Variants in NAALADL2 observed in about 807,000 individuals in gnomAD.
The protein encoded by NAALADL2 is N-acetylated alpha-linked acidic dipeptidase like 2.
NAALADL2 carries 76 observed loss-of-function variants against 87.2 expected under a neutral mutation model. That is an observed-to-expected ratio of 0.87 (90% CI 0.72 to 1.05). NAALADL2 has a LOEUF of 1.05. Ranked by LOEUF, NAALADL2 falls within the 50% of genes least tolerant of loss-of-function variation. The pLI, the probability that NAALADL2 is intolerant of heterozygous loss-of-function variation, is 0.00. For synonymous variants in NAALADL2, 354 were observed against 331.0 expected, an observed-to-expected ratio of 1.07 and a Z score of -0.75; for missense variants, 1,089 against 945.8, an observed-to-expected ratio of 1.15 and a Z score of -1.99.
intron 11 of NAALADL2, among the ~76,000 whole-genome samples, chr3:175,725,660 G>T (rs1032314589): frequency 7.2e-5 from 11 of 152,034 alleles, no homozygotes; most frequent in Admixed American, 2.6e-4. Context: ...GCTAATTAGG[G>T]TAACAATTAA....
intron 5 of NAALADL2, among the ~76,000 whole-genome samples, chr3:175,411,499 T>G (rs1713510728): frequency 6.6e-6 from 1 of 151,774 alleles, no homozygotes; most frequent in Non-Finnish European, 1.5e-5. Context: ...AAAAATGAAG[T>G]AAAATGTAAT....
At position 174,882,584 on chromosome 3, in the gene NAALADL2, CAT is replaced by C. The variant is rs1314404306; in HGVS notation, c.43+23137_43+23138del. 9.5e-3 allele frequency among the ~76,000 whole-genome samples: 1,293 copies of C among 136,700 alleles called. 26 individuals are homozygous for C. Among genetic ancestry groups the C allele is most frequent in the African/African-American group, 0.04 (1,187 of 29,480 alleles). 89.7% of individuals were successfully genotyped at this position (136,700 alleles called of 152,430 possible). A position where few individuals can be genotyped will look rare whatever the true frequency, so the allele number is the denominator to read the frequency against. On this transcript the variant is annotated intron_variant, in intron 1 of 13. Transcript: ENST00000454872. ...GTATATATACATATGTGCTTATACA[CAT>C]ATGTGTATATACACATACATATATG...
intron 1 of NAALADL2, among the ~76,000 whole-genome samples, chr3:174,462,352 A>G (rs1382632774): frequency 4.6e-5 from 7 of 152,184 alleles, no homozygotes; most frequent in Admixed American, 1.3e-4. Flanking sequence ...ATCAGAATAC[A>G]TAACCATTAG....
chr3:174,604,971 T>C (rs183567977), intron 2 of NAALADL2, among the ~76,000 whole-genome samples: 162 of 152,084 alleles, frequency 1.1e-3, no homozygotes, highest in African/African-American at 3.8e-3. Flanking sequence ...CAGGCTGATC[T>C]TGAACTCCTG....
intron 1 of NAALADL2, among the ~76,000 whole-genome samples, chr3:175,020,865 G>A (rs1368356156): frequency 6.6e-6 from 1 of 151,974 alleles, no homozygotes; most frequent in African/African-American, 2.4e-5. Context: ...CTCTGCCGCT[G>A]GACTTCCTGC....
At chr3:175,185,007 A>G (rs1737121593) in intron 2 of NAALADL2, among the ~76,000 whole-genome samples, 4 of 152,176 alleles carry the variant, frequency 2.6e-5, no homozygotes, top group Admixed American at 6.5e-5. Context: ...TTTGCCTGTG[A>G]GCATTGTACA....
At chr3:175,413,737 C>T (rs1193532382) in intron 5 of NAALADL2, among the ~76,000 whole-genome samples, 2 of 151,892 alleles carry the variant, frequency 1.3e-5, no homozygotes, top group East Asian at 3.9e-4. Flanking sequence ...AATTAAATTG[C>T]TCTGATCACA....
Position 175,697,783 on chromosome 3 carries a change from A to G in NAALADL2, c.1897-39523A>G, listed in dbSNP as rs184798230. 4.9e-5 allele frequency among the ~76,000 whole-genome samples: 7 copies of G among 144,080 alleles called. No homozygotes were observed. The East Asian group carries it at 6.0e-4, about 12-fold the overall frequency. The allele number at this position is 144,080 out of a possible 152,430, so 94.5% of individuals were successfully genotyped here. ...TGTATGTATACATATATACATATAT[A>G]TGTGTGTGTATATATGTATATATAT... On this transcript the variant is annotated intron_variant, in intron 11 of 13. Transcript: ENST00000454872.
exon 1 of NAALADL2, chr3:174,441,011 A>AGCCCGC (rs927274699): frequency 6.6e-6 from 1 of 152,034 alleles, no homozygotes; most frequent in Non-Finnish European, 1.5e-5. Flanking sequence ...ACCGCAGACG[A>AGCCCGC]GCCCGCGCCC....
intron 13 of NAALADL2, among the ~76,000 whole-genome samples, chr3:175,798,310 T>C (rs1395276526): frequency 6.6e-6 from 1 of 151,960 alleles, no homozygotes; most frequent in Non-Finnish European, 1.5e-5. Context: ...TTTTAAATGA[T>C]GATGAAAAAA....
chr3:175,274,904 A>C (rs1401626322), intron 4 of NAALADL2, among the ~76,000 whole-genome samples: 1 of 152,184 alleles, frequency 6.6e-6, no homozygotes, highest in Non-Finnish European at 1.5e-5. Flanking sequence ...ATTTCACAAA[A>C]AGGCGTTATT....
intron 2 of NAALADL2, among the ~76,000 whole-genome samples, chr3:174,626,782 G>C (rs1489046156): frequency 1.3e-5 from 2 of 151,962 alleles, no homozygotes; most frequent in Non-Finnish European, 2.9e-5. Context: ...AGCAAGAAAT[G>C]AAAGTGCGCT....
chr3:174,926,855 A>G (rs1233730661), intron 1 of NAALADL2, among the ~76,000 whole-genome samples: 1 of 152,154 alleles, frequency 6.6e-6, no homozygotes, highest in Non-Finnish European at 1.5e-5. Flanking sequence ...ACACATAACA[A>G]TATGAACCTT....
chr3:174,649,332 A>G (rs1046798856), intron 2 of NAALADL2, among the ~76,000 whole-genome samples: 3 of 152,132 alleles, frequency 2.0e-5, no homozygotes, highest in Non-Finnish European at 4.4e-5. Flanking sequence ...AATTCCATAT[A>G]TAGTCTTAGA....
At chr3:175,693,707 G>A (rs115367833) in intron 11 of NAALADL2, among the ~76,000 whole-genome samples, 2,494 of 152,128 alleles carry the variant, frequency 0.016, 79 homozygotes, top group African/African-American at 0.057. Context: ...GGGTTGGTTG[G>A]TTTGTTCGTT....
intron 1 of NAALADL2, among the ~76,000 whole-genome samples, chr3:175,005,359 C>T (rs968472544): frequency 1.3e-5 from 2 of 152,234 alleles, no homozygotes; most frequent in Admixed American, 1.3e-4. Flanking sequence ...CTGTATTTCA[C>T]CCCTATGCTG....
chr3:174,622,030 G>T (rs2108669109), intron 2 of NAALADL2, among the ~76,000 whole-genome samples: 1 of 152,246 alleles, frequency 6.6e-6, no homozygotes, highest in Middle Eastern at 3.4e-3. Flanking sequence ...GAAGCAGGAG[G>T]AAAGGGAGAA....
chr3:174,878,012 C>T (rs566510110), intron 1 of NAALADL2, among the ~76,000 whole-genome samples: 1 of 152,040 alleles, frequency 6.6e-6, no homozygotes, highest in African/African-American at 2.4e-5. Context: ...TATTAGCTTT[C>T]TATGTATATA....
chr3:175,323,111 G>A (rs1760143473), intron 4 of NAALADL2, among the ~76,000 whole-genome samples: 1 of 146,570 alleles, frequency 6.8e-6, no homozygotes, highest in African/African-American at 2.5e-5. Flanking sequence ...ATGATAGACT[G>A]GATTAAGAAA....
Sources: allele counts gnomAD v4.1 joint callset (sites outside exome capture counted in the v4.1 genomes callset), GRCh38; gene constraint gnomAD v4.1.1; transcripts MANE v1.5; gene names NCBI Gene and HGNC (gene_info 2026-07-23, HGNC 2026-07-21).